PUDP: variants seen among roughly 807,000 people sequenced by gnomAD.
PUDP encodes the protein pseudouridine 5'-phosphatase.
PUDP carries 8 observed loss-of-function variants against 9.4 expected under a neutral mutation model. That is an observed-to-expected ratio of 0.85 (90% CI 0.50 to 1.53). PUDP has a LOEUF of 1.53. Ranked by LOEUF, PUDP falls within the 40% of genes most tolerant of loss-of-function variation. The pLI, the probability that PUDP is intolerant of heterozygous loss-of-function variation, is 0.00. For synonymous variants in PUDP, 99 were observed against 80.7 expected (o/e 1.23, Z -1.22); for missense variants, 188 against 189.7 (o/e 0.99, Z 0.05).
chrX:7,142,895 C>T (rs1417163147), intron 1 of PUDP, among the ~76,000 whole-genome samples: 1 of 111,108 alleles, frequency 9.0e-6, no homozygotes, highest in Non-Finnish European at 1.9e-5. Context: ...AAGTGATCTG[C>T]CTGCCTCTGC....
At chrX:6,783,251 A>T (rs1925593487) in intron 3 of PUDP, among the ~76,000 whole-genome samples, 1 of 111,747 alleles carries the variant, frequency 8.9e-6, no homozygotes, top group Non-Finnish European at 1.9e-5. Context: ...TTTATCACAA[A>T]CCCTTGTAGC....
At chrX:7,131,251 A>C (rs887193461) in intron 1 of PUDP, among the ~76,000 whole-genome samples, 2 of 111,968 alleles carry the variant, frequency 1.8e-5, no homozygotes, top group African/African-American at 6.5e-5. Flanking sequence ...TGAATCAGCC[A>C]CTTTTCTTCC....
At chrX:6,804,558 A>C (rs1926017926) in intron 3 of PUDP, among the ~76,000 whole-genome samples, 1 of 111,931 alleles carries the variant, frequency 8.9e-6, no homozygotes, top group Non-Finnish European at 1.9e-5. Flanking sequence ...CAAGGTCTTG[A>C]TTCTGCATTC....
chrX:6,750,446 T>C (rs1925054956), intron 3 of PUDP, among the ~76,000 whole-genome samples: 1 of 110,433 alleles, frequency 9.1e-6, no homozygotes, highest in Admixed American at 9.7e-5. Flanking sequence ...ACGAAGAGAG[T>C]AAACCCCTGA....
chrX:6,944,536 G>A (rs189363723), intron 3 of PUDP, among the ~76,000 whole-genome samples: 3 of 98,465 alleles, frequency 3.0e-5, no homozygotes, highest in East Asian at 6.5e-4. Context: ...AAAATCTAGA[G>A]TTCCTTCAAG....
intron 1 of PUDP, among the ~76,000 whole-genome samples, chrX:7,024,754 C>CTTTTTTTTTT (rs55692944): frequency 9.2e-5 from 5 of 54,439 alleles, no homozygotes; most frequent in East Asian, 7.1e-4. Context: ...GCCCGGCTAA[C>CTTTTTTTTTT]TTTTTTTTTT....
chrX:6,845,784 C>T (rs1388796714), intron 3 of PUDP, among the ~76,000 whole-genome samples: 1 of 112,113 alleles, frequency 8.9e-6, no homozygotes, highest in Non-Finnish European at 1.9e-5. Flanking sequence ...TATTCAGCCC[C>T]TTAATGATGA....
At chrX:6,939,718 T>C (rs1362071740) in intron 3 of PUDP, among the ~76,000 whole-genome samples, 1 of 108,112 alleles carries the variant, frequency 9.2e-6, no homozygotes, top group Non-Finnish European at 1.9e-5. Context: ...TACAAAAAAT[T>C]AGGTGGGCAT....
chrX:6,761,802 G>A (rs930743958), intron 3 of PUDP, among the ~76,000 whole-genome samples: 2 of 111,683 alleles, frequency 1.8e-5, no homozygotes, highest in African/African-American at 6.5e-5. Flanking sequence ...TTACATTAAT[G>A]AGAATACCTG....
At chrX:6,973,501 C>T (rs756325874) in intron 3 of PUDP, among the ~76,000 whole-genome samples, 1 of 111,931 alleles carries the variant, frequency 8.9e-6, no homozygotes, top group East Asian at 2.8e-4. Context: ...GTTTAGTTTC[C>T]ATGTAGTTGT....
At chrX:6,840,289 C>A (rs1261738032) in intron 3 of PUDP, among the ~76,000 whole-genome samples, 1 of 112,143 alleles carries the variant, frequency 8.9e-6, no homozygotes, top group Non-Finnish European at 1.9e-5. Flanking sequence ...GTCCATTAAA[C>A]CTCTTTCTCT....
intron 2 of PUDP, among the ~76,000 whole-genome samples, chrX:7,100,866 G>A (rs1295377991): frequency 8.9e-6 from 1 of 112,048 alleles, no homozygotes; most frequent in African/African-American, 3.2e-5. Context: ...CTGTCTTTCT[G>A]CTCTATACAT....
chrX:6,848,800 T>C (rs891207167), intron 3 of PUDP, among the ~76,000 whole-genome samples: 1 of 111,858 alleles, frequency 8.9e-6, no homozygotes, highest in East Asian at 2.8e-4. Flanking sequence ...CTCTCATCAT[T>C]TGATATGCCA....
intron 3 of PUDP, among the ~76,000 whole-genome samples, chrX:6,737,050 G>C (rs188980690): frequency 1.8e-5 from 2 of 111,340 alleles, no homozygotes; most frequent in African/African-American, 6.5e-5. Context: ...GTCACACACA[G>C]AGGACGAGAC....
intron 3 of PUDP, among the ~76,000 whole-genome samples, chrX:6,926,752 G>A (rs1185564795): frequency 9.0e-6 from 1 of 111,087 alleles, no homozygotes; most frequent in South Asian, 3.8e-4. Context: ...TATAGAATGA[G>A]CTCACATTAC....
chrX:6,923,690 G>A (rs767320718), intron 3 of PUDP, among the ~76,000 whole-genome samples: 1 of 111,155 alleles, frequency 9.0e-6, no homozygotes, highest in Admixed American at 9.6e-5. Flanking sequence ...AGTGTCTCCT[G>A]AGTGGTCTCT....
chrX:6,765,208 A>G (rs1257232918), intron 3 of PUDP, among the ~76,000 whole-genome samples: 1 of 111,311 alleles, frequency 9.0e-6, no homozygotes, highest in Non-Finnish European at 1.9e-5. Flanking sequence ...TGAGCCCAGG[A>G]GGCAAAGGTT....
At position 6,832,349 on chromosome X, in the gene PUDP, G is replaced by A. The variant is rs778472248; in HGVS notation, c.*248-125883C>T. Among the ~76,000 whole-genome samples the A allele has an allele frequency of 2.7e-5, 3 of 111,970 alleles. No individual in the cohort carries two copies. In the South Asian group the frequency reaches 1.1e-3, roughly 41 times the overall value. On this transcript the variant is annotated intron_variant and NMD_transcript_variant, in intron 3 of 3. Coordinates refer to the PUDP transcript ENST00000655425. ...GGAGAAAGCAAATGGAAGATAATCT[G>A]GAAAACTCAAATAGCATCCTCTACT...
chrX:6,733,640 G>A (rs964378598), intron 3 of PUDP, among the ~76,000 whole-genome samples: 3 of 110,196 alleles, frequency 2.7e-5, no homozygotes, highest in African/African-American at 9.9e-5. Context: ...CAGACCAGAA[G>A]GGTGAAGGAA....
Sources: allele counts gnomAD v4.1 joint callset (sites outside exome capture counted in the v4.1 genomes callset), GRCh38; gene constraint gnomAD v4.1.1; transcripts MANE v1.5; gene names NCBI Gene and HGNC (gene_info 2026-07-23, HGNC 2026-07-21).